The following GTF2F2 variants were observed in gnomAD, a reference collection of about 807,000 sequenced individuals.
The protein encoded by GTF2F2 is ATP-dependent helicase GTF2F2.
GTF2F2 carries 23 observed loss-of-function variants against 42.2 expected under a neutral mutation model. The observed-to-expected ratio is 0.55, with a 90% CI of 0.39 to 0.77. GTF2F2 has a LOEUF of 0.77. Ranked by LOEUF, GTF2F2 falls within the 30% of genes least tolerant of loss-of-function variation. GTF2F2 has a pLI of 0.00. For missense variants in GTF2F2, 261 were observed against 287.2 expected, an observed-to-expected ratio of 0.91 and a Z score of 0.66; for synonymous variants, 105 against 100.8, an observed-to-expected ratio of 1.04 and a Z score of -0.25.
intron 4 of GTF2F2, among the ~76,000 whole-genome samples, chr13:45,157,271 A>T (rs1054587534): frequency 6.6e-6 from 1 of 152,178 alleles, no homozygotes; most frequent in South Asian, 2.1e-4. Context: ...GCAAGGGGGA[A>T]GAGTAGTGGG....
intron 4 of GTF2F2, among the ~76,000 whole-genome samples, chr13:45,185,761 T>C (rs1464542804): frequency 6.6e-6 from 1 of 152,194 alleles, no homozygotes; most frequent in East Asian, 1.9e-4. Flanking sequence ...CACTAAATCA[T>C]TTATGACTTT....
intron 4 of GTF2F2, among the ~76,000 whole-genome samples, chr13:45,173,016 G>A (rs1301379226): frequency 6.6e-6 from 1 of 152,016 alleles, no homozygotes; most frequent in Non-Finnish European, 1.5e-5. Context: ...TGGGATTTTG[G>A]TAGGGATCAT....
chr13:45,242,161 A>G (rs1365187847), intron 5 of GTF2F2, among the ~76,000 whole-genome samples: 2 of 150,868 alleles, frequency 1.3e-5, no homozygotes, highest in Non-Finnish European at 2.9e-5. Flanking sequence ...TCTTTTTCAT[A>G]TTAGTAAATC....
intron 5 of GTF2F2, among the ~76,000 whole-genome samples, chr13:45,226,292 T>C (rs2138211085): frequency 6.6e-6 from 1 of 152,346 alleles, no homozygotes; most frequent in East Asian, 1.9e-4. Context: ...TTGGTTGTAA[T>C]TTGTGTAGCT....
chr13:45,165,010 G>A (rs1871208849), intron 4 of GTF2F2, among the ~76,000 whole-genome samples: 1 of 152,096 alleles, frequency 6.6e-6, no homozygotes, highest in African/African-American at 2.4e-5. Context: ...TCTTTATTAA[G>A]CAATGATCTT....
At chr13:45,147,724 T>G (rs1870271103) in intron 2 of GTF2F2, among the ~76,000 whole-genome samples, 1 of 152,246 alleles carries the variant, frequency 6.6e-6, no homozygotes. Context: ...TCTGGAATCC[T>G]TAGTCTGTCC....
intron 7 of GTF2F2, among the ~76,000 whole-genome samples, chr13:45,279,787 C>G (rs1877184937): frequency 6.6e-6 from 1 of 152,128 alleles, no homozygotes; most frequent in Non-Finnish European, 1.5e-5. Flanking sequence ...TGCCTGTAAT[C>G]CCAGCTACTC....
At chr13:45,181,180 A>C (rs868202007) in intron 4 of GTF2F2, among the ~76,000 whole-genome samples, 1,345 of 131,554 alleles carry the variant, frequency 0.01, 39 homozygotes, top group African/African-American at 0.043. Context: ...AGACAAAAAA[A>C]CAAACAAACA....
intron 5 of GTF2F2, among the ~76,000 whole-genome samples, chr13:45,244,599 C>T (rs1159080675): frequency 6.6e-6 from 1 of 152,068 alleles, no homozygotes; most frequent in African/African-American, 2.4e-5. Flanking sequence ...TTGACTGTTT[C>T]CTTATAATAG....
intron 7 of GTF2F2, among the ~76,000 whole-genome samples, chr13:45,272,215 T>C (rs920265382): frequency 9.3e-5 from 14 of 151,052 alleles, no homozygotes; most frequent in African/African-American, 3.4e-4. Context: ...GAGCCTTAAT[T>C]AAAAGTTTTA....
Position 45,143,145 on chromosome 13 carries a change from G to A in GTF2F2, c.140+6339G>A, listed in dbSNP as rs996067452. 3.3e-5 allele frequency among the ~76,000 whole-genome samples: 5 copies of A among 152,202 alleles called. No individual in the cohort carries two copies. In the East Asian group the frequency reaches 5.8e-4, roughly 18 times the overall value. Reference sequence around the variant, plus strand: ...AAGGAACATTTGAAAGTCTAGGGCTGTTAAGAGAAGATGTAGGGCAGACCA... The same window carrying A: ...AAGGAACATTTGAAAGTCTAGGGCTATTAAGAGAAGATGTAGGGCAGACCA... On this transcript the variant is annotated intron_variant, in intron 2 of 7. Transcript: ENST00000340473.
rs1872656759 is a variant in GTF2F2, at chr13:45,191,500, TAA to T, written c.305-15923_305-15922del. Reference sequence around the variant, plus strand: ...ACTCTGAAAGCTTCACTCTGACTTATAAGTGACATTTTGTGTGATTTCTTGAG... The same window carrying T: ...ACTCTGAAAGCTTCACTCTGACTTATGTGACATTTTGTGTGATTTCTTGAG... On this transcript the variant is annotated intron_variant, in intron 4 of 7. Transcript: ENST00000340473. 1.3e-5 allele frequency among the ~76,000 whole-genome samples: 2 copies of T among 151,842 alleles called. 1 individual carries two copies. Among genetic ancestry groups the T allele is most frequent in the Non-Finnish European group, 2.9e-5 (2 of 67,956 alleles).
chr13:45,259,780 C>T (rs1041518384), intron 6 of GTF2F2, among the ~76,000 whole-genome samples: 2 of 151,570 alleles, frequency 1.3e-5, no homozygotes, highest in Non-Finnish European at 2.9e-5. Context: ...GCCTCAGCCT[C>T]CCAAGTAGCT....
intron 4 of GTF2F2, among the ~76,000 whole-genome samples, chr13:45,178,852 C>G (rs989492504): frequency 6.6e-6 from 1 of 152,126 alleles, no homozygotes; most frequent in Non-Finnish European, 1.5e-5. Flanking sequence ...ATGATGTTGA[C>G]TGGAGTTACT....
chr13:45,130,310 G>T (rs764195234), intron 1 of GTF2F2, among the ~76,000 whole-genome samples: 1 of 152,298 alleles, frequency 6.6e-6, no homozygotes, highest in East Asian at 1.9e-4. Context: ...AATGATGATA[G>T]GGCTGTTATA....
chr13:45,265,502 T>C (rs765993876), intron 6 of GTF2F2, among the ~76,000 whole-genome samples: 5 of 152,206 alleles, frequency 3.3e-5, no homozygotes, highest in Non-Finnish European at 7.3e-5. Flanking sequence ...CATATAGTCA[T>C]GCTTAATCTG....
chr13:45,229,148 G>T (rs1171292216), intron 5 of GTF2F2, among the ~76,000 whole-genome samples: 1 of 152,188 alleles, frequency 6.6e-6, no homozygotes, highest in South Asian at 2.1e-4. Context: ...CTCCCGAAGT[G>T]CCGGGATTAC....
chr13:45,234,648 G>A (rs1162574490), intron 5 of GTF2F2, among the ~76,000 whole-genome samples: 1 of 152,166 alleles, frequency 6.6e-6, no homozygotes, highest in African/African-American at 2.4e-5. Flanking sequence ...AAACTTGCAT[G>A]TTGGCCAGGT....
intron 5 of GTF2F2, among the ~76,000 whole-genome samples, chr13:45,249,751 A>C (rs1286527183): frequency 6.6e-6 from 1 of 152,176 alleles, no homozygotes; most frequent in Non-Finnish European, 1.5e-5. Context: ...AAGATAATTT[A>C]GCGGCAACAT....
Sources: gnomAD v4.1 joint callset for allele counts (sites outside exome capture counted in the v4.1 genomes callset) on GRCh38, gnomAD v4.1.1 for gene constraint, MANE v1.5 for transcripts, NCBI Gene and HGNC (gene_info 2026-07-23, HGNC 2026-07-21) for gene names.